The following ANKFN1 variants were observed in gnomAD, a reference collection of about 807,000 sequenced individuals.
ANKFN1 encodes the protein ankyrin repeat and fibronectin type-III domain-containing protein 1.
Under a neutral mutation model 108.7 loss-of-function variants are expected in ANKFN1, and 74 were observed. The observed-to-expected ratio is 0.68, with a 90% CI of 0.56 to 0.83. The LOEUF (loss-of-function observed/expected upper bound fraction) is 0.83. ANKFN1 is among the 40% of genes least tolerant of loss of function. The pLI, the probability that ANKFN1 is intolerant of heterozygous loss-of-function variation, is 0.00. For synonymous variants in ANKFN1, 547 were observed against 516.2 expected (o/e 1.06, Z -0.81); for missense variants, 1,505 against 1,382.3 (o/e 1.09, Z -1.41).
intron 1 of ANKFN1, among the ~76,000 whole-genome samples, chr17:56,207,539 A>G (rs1027846807): frequency 6.6e-6 from 1 of 152,086 alleles, no homozygotes; most frequent in Admixed American, 6.5e-5. Context: ...GAATTATGCT[A>G]CTTCATTGAT....
At chr17:56,456,711 A>T in intron 11 of ANKFN1, 150 bp from the exon 12 acceptor site, 3 of 658,736 alleles carry the variant, frequency 4.6e-6, no homozygotes, top group Non-Finnish European at 8.1e-6. Context: ...AGCTTCTTAT[A>T]GGCATGAATG....
At chr17:56,459,754 G>C (rs914462777) in intron 14 of ANKFN1, among the ~76,000 whole-genome samples, 1 of 152,096 alleles carries the variant, frequency 6.6e-6, no homozygotes, top group Non-Finnish European at 1.5e-5. Context: ...GAAGGATCAG[G>C]CTGTTACAAG....
At chr17:56,451,289 G>A (rs1185478542) in intron 11 of ANKFN1, among the ~76,000 whole-genome samples, 1 of 152,076 alleles carries the variant, frequency 6.6e-6, no homozygotes, top group Non-Finnish European at 1.5e-5. Context: ...CACAGTATTA[G>A]TATTCCAAAG....
chr17:56,280,026 T>C (rs2044033615), intron 3 of ANKFN1, among the ~76,000 whole-genome samples: 1 of 146,472 alleles, frequency 6.8e-6, no homozygotes, highest in African/African-American at 2.6e-5. Flanking sequence ...TTTTTTTTTC[T>C]CAAGACGGAG....
At chr17:56,435,137 T>C (rs1251843904) in intron 8 of ANKFN1, among the ~76,000 whole-genome samples, 3 of 152,180 alleles carry the variant, frequency 2.0e-5, no homozygotes, top group African/African-American at 7.2e-5. Context: ...TTTGACTTTT[T>C]TCCCTCCGTT....
chr17:56,428,888 TCC>T (rs1384251925), intron 8 of ANKFN1, among the ~76,000 whole-genome samples: 1 of 151,762 alleles, frequency 6.6e-6, no homozygotes, highest in Admixed American at 6.6e-5. Flanking sequence ...TTTCATTTTG[TCC>T]CAGAAGGAGA....
At chr17:56,376,694 C>T (rs2046957936) in intron 8 of ANKFN1, among the ~76,000 whole-genome samples, 1 of 152,198 alleles carries the variant, frequency 6.6e-6, no homozygotes, top group African/African-American at 2.4e-5. Context: ...CACATATTAA[C>T]ACTTCTCATC....
chr17:56,114,430 G>A (rs996223231), intron 4 of ANKFN1, among the ~76,000 whole-genome samples: 2 of 152,208 alleles, frequency 1.3e-5, no homozygotes, highest in African/African-American at 4.8e-5. Flanking sequence ...CGTTTATGCA[G>A]TCAACAGGAA....
intron 1 of ANKFN1, among the ~76,000 whole-genome samples, chr17:56,209,072 C>A (rs1318076560): frequency 6.6e-6 from 1 of 152,036 alleles, no homozygotes; most frequent in Non-Finnish European, 1.5e-5. Flanking sequence ...ATCCTCCAAC[C>A]TAGTCTCTAA....
At chr17:56,377,864 A>G (rs2046985582) in intron 8 of ANKFN1, among the ~76,000 whole-genome samples, 1 of 151,990 alleles carries the variant, frequency 6.6e-6, no homozygotes, top group South Asian at 2.1e-4. Flanking sequence ...TTTTTTCTTA[A>G]TTGGGCCTCG....
chr17:56,210,041 TATAGATAGATAGATAGATACATAGATAG>T (rs1567839263), intron 1 of ANKFN1, among the ~76,000 whole-genome samples: 1 of 143,232 alleles, frequency 7.0e-6, no homozygotes, highest in East Asian at 2.1e-4. Flanking sequence ...ATATGTATAT[TATAGATAGATAGATAGATACATAGATAG>T]ATAGATAGAT....
chr17:56,434,332 CT>C (rs1367340896), intron 8 of ANKFN1, among the ~76,000 whole-genome samples: 1 of 146,660 alleles, frequency 6.8e-6, no homozygotes, highest in East Asian at 2.0e-4. Context: ...TCCAACTTTG[CT>C]TTAATCTTCT....
rs1282810194 is a variant in ANKFN1 at position 56,512,694 on chromosome 17, A to T, written c.*1425A>T. On this transcript the variant is annotated 3_prime_UTR_variant, in exon 21 of 21. Coordinates refer to ENST00000682825, the MANE Select transcript of ANKFN1 (RefSeq NM_001370326.1). Reference sequence around the variant, plus strand: ...GCTCTTTATGGCCCTATCCTTGTCCACAGAGTTCTACCATTCCTCCTCATG... The same window carrying T: ...GCTCTTTATGGCCCTATCCTTGTCCTCAGAGTTCTACCATTCCTCCTCATG... Among the ~76,000 whole-genome samples, 1 of 152,176 alleles carries T rather than the reference A, an allele frequency of 6.6e-6. No homozygotes were observed. Among genetic ancestry groups the T allele is most frequent in the Non-Finnish European group, 1.5e-5 (1 of 68,036 alleles).
chr17:56,440,074 T>C (rs1028564539), intron 8 of ANKFN1, among the ~76,000 whole-genome samples: 1 of 110,938 alleles, frequency 9.0e-6, no homozygotes, highest in Non-Finnish European at 2.0e-5. Flanking sequence ...ATATACATTA[T>C]ATTTATCAAG....
At chr17:56,159,087 G>A in intron 1 of ANKFN1, among the ~76,000 whole-genome samples, 1 of 150,358 alleles carries the variant, frequency 6.7e-6, no homozygotes. Flanking sequence ...AGAGGAAGAG[G>A]AGGAGGAGGA....
rs1399384069 is a variant in ANKFN1, at chr17:56,386,866, G to A, written c.910+12152G>A. On this transcript the variant is annotated intron_variant, in intron 8 of 20. Transcript: ENST00000682825. ...TATTTTCTTATCAGCTTAGTAAGAA[G>A]TGTTTTTGTTTTATTTTGTTTAAGA... Among the ~76,000 whole-genome samples, 3 of 151,952 alleles carry A rather than the reference G, an allele frequency of 2.0e-5. No homozygotes were observed. The East Asian group carries it at 5.8e-4, about 29-fold the overall frequency.
intron 4 of ANKFN1, among the ~76,000 whole-genome samples, chr17:56,131,009 T>G (rs989052300): frequency 2.0e-5 from 3 of 152,098 alleles, no homozygotes; most frequent in Non-Finnish European, 2.9e-5. Context: ...ATGTCTTAAA[T>G]TGAATGGGGC....
At chr17:56,173,872 A>G (rs965706585) in intron 1 of ANKFN1, among the ~76,000 whole-genome samples, 5 of 152,250 alleles carry the variant, frequency 3.3e-5, no homozygotes, top group Admixed American at 6.5e-5. Context: ...AGTAAGTATC[A>G]GCTGGGAAAT....
intron 4 of ANKFN1, among the ~76,000 whole-genome samples, chr17:56,062,485 G>A (rs4386183): frequency 0.69 from 104,836 of 151,230 alleles, 36,891 homozygotes; most frequent in Non-Finnish European, 0.78. Flanking sequence ...CCATTATGTA[G>A]TGCCCTTCTT....
Sources: allele counts gnomAD v4.1 joint callset (sites outside exome capture counted in the v4.1 genomes callset), GRCh38; gene constraint gnomAD v4.1.1; transcripts MANE v1.5; gene names NCBI Gene and HGNC (gene_info 2026-07-23, HGNC 2026-07-21).